The following PADI6 variants were observed in gnomAD, a reference collection of about 807,000 sequenced individuals.
PADI6 encodes inactive protein-arginine deiminase type-6.
In PADI6, 66 loss-of-function variants were observed where a neutral mutation model predicts 78.2. The observed-to-expected ratio is 0.84, with a 90% CI of 0.69 to 1.04. The LOEUF (loss-of-function observed/expected upper bound fraction) is 1.04, where lower values mean the gene tolerates loss of function less well. Ranked by LOEUF, PADI6 falls within the 50% of genes least tolerant of loss-of-function variation. The probability of loss-of-function intolerance (pLI) is 0.00; values close to 1 mark genes in which losing one functional copy is unlikely to be tolerated. For missense variants in PADI6, 854 were observed against 866.1 expected, an observed-to-expected ratio of 0.99 and a Z score of 0.18; for synonymous variants, 397 against 346.9, an observed-to-expected ratio of 1.14 and a Z score of -1.60.
At chr1:17,378,652 T>C (rs1247959331) in intron 3 of PADI6, among the ~76,000 whole-genome samples, 1 of 152,178 alleles carries the variant, frequency 6.6e-6, no homozygotes, top group African/African-American at 2.4e-5. Context: ...TCACCCAGGC[T>C]GGAGTGGAGT....
At chr1:17,375,751 C>T (rs1234601526) in intron 3 of PADI6, among the ~76,000 whole-genome samples, 2 of 152,216 alleles carry the variant, frequency 1.3e-5, no homozygotes, top group African/African-American at 4.8e-5. Flanking sequence ...ACAGCCAGAA[C>T]TTCCGTGTCG....
chr1:17,396,862 G>GC (rs1214641484), intron 13 of PADI6, among the ~76,000 whole-genome samples: 2 of 152,196 alleles, frequency 1.3e-5, no homozygotes, highest in African/African-American at 2.4e-5. Flanking sequence ...AGTAAGTCCT[G>GC]CCTGGGAGTT....
intron 10 of PADI6, 54 bp downstream of exon 10, chr1:17,394,136 G>C: frequency 6.3e-7 from 1 of 1,583,244 alleles, no homozygotes; most frequent in South Asian, 1.1e-5. Flanking sequence ...CAGGCCTGGG[G>C]CCTGCCTAGA....
intron 15 of PADI6, 145 bp downstream of exon 15, chr1:17,398,992 T>C: frequency 1.1e-6 from 1 of 938,060 alleles, no homozygotes; most frequent in South Asian, 1.8e-5. Flanking sequence ...TTCTCCCCCA[T>C]CTCGGTTAGG....
At chr1:17,391,491 A>AT (rs1338831364) in intron 8 of PADI6, among the ~76,000 whole-genome samples, 2 of 152,218 alleles carry the variant, frequency 1.3e-5, no homozygotes, top group Non-Finnish European at 2.9e-5. Context: ...AAGTGCTGGG[A>AT]TTACAGGCGT....
intron 11 of PADI6, 83 bp downstream of exon 11, chr1:17,394,537 T>A (rs1356920088): frequency 7.0e-7 from 1 of 1,432,672 alleles, no homozygotes; most frequent in Non-Finnish European, 9.5e-7. Context: ...CCATAGCACC[T>A]CAGCAGGTCA....
chr1:17,396,689 G>A (rs549520531), intron 13 of PADI6, among the ~76,000 whole-genome samples: 84 of 152,310 alleles, frequency 5.5e-4, no homozygotes, highest in Middle Eastern at 6.8e-3. Flanking sequence ...GGCAATTGAG[G>A]AACAAAGGTA....
At chr1:17,397,197 G>A (rs1008644328) in intron 14 of PADI6, 56 bp downstream of exon 14, 18 of 1,591,654 alleles carry the variant, frequency 1.1e-5, no homozygotes, top group Middle Eastern at 3.3e-4. Context: ...CGCAGGTCTT[G>A]CAGGAAGGTT....
chr1:17,389,214 C>CAG (rs1468570623), intron 8 of PADI6, among the ~76,000 whole-genome samples: 1 of 152,156 alleles, frequency 6.6e-6, no homozygotes, highest in Non-Finnish European at 1.5e-5. Context: ...CCTACGGAGC[C>CAG]AGAGAACAGG....
At chr1:17,387,716 A>G (rs2075135533) in intron 6 of PADI6, among the ~76,000 whole-genome samples, 1 of 152,106 alleles carries the variant, frequency 6.6e-6, no homozygotes, top group East Asian at 1.9e-4. Context: ...ACGCCACTAC[A>G]CTCCAGCCTG....
chr1:17,388,675 G>A, intron 7 of PADI6, 102 bp from the exon 8 acceptor site: 1 of 1,458,302 alleles, frequency 6.9e-7, no homozygotes, highest in Non-Finnish European at 9.3e-7. Context: ...GAAGGCAAGT[G>A]GGGCCCAGCT....
intron 6 of PADI6, among the ~76,000 whole-genome samples, chr1:17,388,018 C>CGG (rs2075138111): frequency 6.6e-6 from 1 of 152,160 alleles, no homozygotes. Flanking sequence ...CAGTTTCTCA[C>CGG]CTTTAGGACT....
chr1:17,373,186 G>A lies in PADI6; in HGVS notation c.247G>A (p.Ala83Thr), dbSNP rs372507352. ...IWWPLSDPTY[A>T]TVKMTSPSPS... The stretch of plus-strand genomic sequence containing the variant: ...GTGGCCCCTGTCTGATCCCACGTAC[G>A]CCACAGTGAAGATGACATCGCCCAG... The change falls in exon 2 of 16, where the codon GCC becomes ACC. Residue 83 changes from alanine to threonine, a missense_variant. Physicochemically the swap from Ala to Thr is moderately conservative, Grantham distance 58 (BLOSUM62 0). Coordinates refer to ENST00000619609, the MANE Select transcript of PADI6 (RefSeq NM_207421.4). The A allele has an allele frequency of 1.9e-5, 30 of 1,613,864 alleles. No individual in the cohort carries two copies. Among genetic ancestry groups the A allele is most frequent in the African/African-American group, 4.0e-5 (3 of 74,916 alleles).
intron 3 of PADI6, 139 bp from the exon 4 acceptor site, chr1:17,379,781 T>C: frequency 3.1e-6 from 2 of 654,796 alleles, no homozygotes; most frequent in Non-Finnish European, 2.6e-6. Flanking sequence ...GAATGGTTTC[T>C]GCTTCTAAGC....
At position 17,395,108 on chromosome 1, in the gene PADI6, G is replaced by T; in HGVS notation, c.1494+1G>T. 1.2e-6 allele frequency: 2 copies of T among 1,613,676 alleles called. No homozygotes were observed. The highest frequency in any genetic ancestry group is 1.7e-6 in the Non-Finnish European group (2 of 1,179,680). ...AGATGACAAGAATGAGGGCAAAAAG[G>T]TCTGCTTTGGGGTCTGGAGAAGGGA... On this transcript the variant is annotated splice_donor_variant, in intron 12 of 15. Coordinates refer to ENST00000619609, the MANE Select transcript of PADI6 (RefSeq NM_207421.4). LOFTEE classifies it high-confidence loss of function.
intron 10 of PADI6, 95 bp downstream of exon 10, chr1:17,394,177 C>CAGG: frequency 6.6e-7 from 1 of 1,518,110 alleles, no homozygotes; most frequent in South Asian, 1.1e-5. Context: ...GGAGAGGGCC[C>CAGG]AGGTGGCCTC....
chr1:17,378,449 A>G (rs2075039325), intron 3 of PADI6, among the ~76,000 whole-genome samples: 2 of 152,184 alleles, frequency 1.3e-5, no homozygotes, highest in African/African-American at 2.4e-5. Context: ...GTTGGGAATC[A>G]GCATGTCAAA....
At chr1:17,374,705 G>T (rs2074997940) in intron 2 of PADI6, among the ~76,000 whole-genome samples, 2 of 152,198 alleles carry the variant, frequency 1.3e-5, no homozygotes, top group African/African-American at 4.8e-5. Context: ...ACCATTCTCT[G>T]CCCAGGGCTC....
At chr1:17,373,999 A>G (rs546573472) in intron 2 of PADI6, among the ~76,000 whole-genome samples, 2 of 152,006 alleles carry the variant, frequency 1.3e-5, no homozygotes, top group South Asian at 4.1e-4. Context: ...AGGAGTGTTC[A>G]ACCTTGGTTG....
Sources: gnomAD v4.1 joint callset for allele counts (sites outside exome capture counted in the v4.1 genomes callset) on GRCh38, gnomAD v4.1.1 for gene constraint, MANE v1.5 for transcripts, NCBI Gene and HGNC (gene_info 2026-07-23, HGNC 2026-07-21) for gene names.